The following DIAPH3 variants were observed in gnomAD, a reference collection of about 807,000 sequenced individuals.
DIAPH3 encodes protein diaphanous homolog 3.
Under a neutral mutation model 144.3 loss-of-function variants are expected in DIAPH3, and 117 were observed. The ratio of observed to expected loss-of-function variants is 0.81; its 90% CI spans 0.70 to 0.95. DIAPH3 has a LOEUF of 0.95. Ranked by LOEUF, DIAPH3 falls within the 40% of genes least tolerant of loss-of-function variation. The pLI, the probability that DIAPH3 is intolerant of heterozygous loss-of-function variation, is 0.00. For missense variants in DIAPH3, 1,421 were observed against 1,412.7 expected, an observed-to-expected ratio of 1.01 and a Z score of -0.09; for synonymous variants, 519 against 488.9, an observed-to-expected ratio of 1.06 and a Z score of -0.81.
At chr13:59,685,608 G>A (rs1225431431) in intron 27 of DIAPH3, among the ~76,000 whole-genome samples, 1 of 152,112 alleles carries the variant, frequency 6.6e-6, no homozygotes, top group Non-Finnish European at 1.5e-5. Context: ...GAACCAGAAT[G>A]AAAACCTGTA....
intron 20 of DIAPH3, among the ~76,000 whole-genome samples, chr13:59,882,487 A>G (rs574335846): frequency 6.6e-6 from 1 of 152,304 alleles, no homozygotes; most frequent in African/African-American, 2.4e-5. Flanking sequence ...AAAAAGCCCG[A>G]CCAATGTTTC....
chr13:59,811,619 C>A (rs375643450), intron 24 of DIAPH3, among the ~76,000 whole-genome samples: 96 of 151,510 alleles, frequency 6.3e-4, no homozygotes, highest in African/African-American at 2.0e-3. Context: ...TGCCTGTAAT[C>A]CCAGCTACTA....
intron 27 of DIAPH3, among the ~76,000 whole-genome samples, chr13:59,759,630 C>T (rs2037468956): frequency 6.6e-6 from 1 of 152,094 alleles, no homozygotes; most frequent in South Asian, 2.1e-4. Context: ...CGGTGTTCAG[C>T]TTCCAGTAAG....
intron 24 of DIAPH3, among the ~76,000 whole-genome samples, chr13:59,813,854 G>A: frequency 7.5e-6 from 1 of 133,266 alleles, no homozygotes; most frequent in African/African-American, 2.9e-5. Flanking sequence ...GCAAGACTTT[G>A]TCTCAAAAAA....
chr13:60,112,100 A>C lies in DIAPH3; in HGVS notation c.300T>G (p.Ser100Arg). 1 of 1,614,116 alleles carries C rather than the reference A, an allele frequency of 6.2e-7. No homozygotes were observed. The highest frequency in any genetic ancestry group is 8.5e-7 in the Non-Finnish European group (1 of 1,179,970). The change falls in exon 3 of 28, where the codon AGT becomes AGG. Residue 100 changes from serine (S) to arginine (R), a missense_variant. Coordinates refer to ENST00000400324, the MANE Select transcript of DIAPH3 (RefSeq NM_001042517.2). ...LPNLKTAFAS[S>R]DCSAAPLEMM... ...TCTCTAAAGGTGCTGCTGAGCAATC[A>C]CTGCTTGCAAATGCAGTCTTCAGGT...
chr13:59,947,048 T>C (rs1202094152), intron 17 of DIAPH3, among the ~76,000 whole-genome samples: 1 of 152,204 alleles, frequency 6.6e-6, no homozygotes, highest in Non-Finnish European at 1.5e-5. Flanking sequence ...AGTCTGAACA[T>C]TCATAGGAAA....
intron 24 of DIAPH3, among the ~76,000 whole-genome samples, chr13:59,822,168 TAA>T (rs950066771): frequency 9.2e-5 from 14 of 152,170 alleles, no homozygotes; most frequent in Non-Finnish European, 1.9e-4. Context: ...ATGTTTGTAA[TAA>T]AGTTTTTCCC....
chr13:59,935,320 C>A (rs562785883), intron 17 of DIAPH3, among the ~76,000 whole-genome samples: 1 of 152,140 alleles, frequency 6.6e-6, no homozygotes, highest in Non-Finnish European at 1.5e-5. Context: ...GTCAAGAATG[C>A]GCCTATCACT....
chr13:59,716,554 G>A (rs997265559), intron 27 of DIAPH3, among the ~76,000 whole-genome samples: 7 of 152,184 alleles, frequency 4.6e-5, no homozygotes, highest in Non-Finnish European at 7.3e-5. Context: ...ATGGAGACAT[G>A]CTCTGTGCCA....
intron 1 of DIAPH3, among the ~76,000 whole-genome samples, chr13:60,151,985 T>C (rs1951808770): frequency 6.6e-6 from 1 of 152,334 alleles, no homozygotes; most frequent in African/African-American, 2.4e-5. Context: ...AGTTTAATTC[T>C]ATAGTAAAGT....
intron 4 of DIAPH3, among the ~76,000 whole-genome samples, chr13:60,081,404 C>T (rs2057554886): frequency 6.6e-6 from 1 of 151,928 alleles, no homozygotes; most frequent in African/African-American, 2.4e-5. Flanking sequence ...ATTTTCTACC[C>T]TAATAGTTAG....
chr13:59,816,684 T>C (rs979635086), intron 24 of DIAPH3, among the ~76,000 whole-genome samples: 3 of 151,876 alleles, frequency 2.0e-5, no homozygotes, highest in Admixed American at 6.6e-5. Flanking sequence ...TGAAGTCAGA[T>C]GTTTTTAAGT....
At chr13:59,778,450 A>G (rs2139308978) in intron 25 of DIAPH3, among the ~76,000 whole-genome samples, 1 of 152,348 alleles carries the variant, frequency 6.6e-6, no homozygotes, top group African/African-American at 2.4e-5. Flanking sequence ...AGCTAAATAT[A>G]TGTTGACTAA....
At chr13:59,805,434 G>T (rs767270969) in intron 25 of DIAPH3, among the ~76,000 whole-genome samples, 2 of 151,992 alleles carry the variant, frequency 1.3e-5, no homozygotes, top group African/African-American at 4.8e-5. Context: ...CTTAAGAAGA[G>T]TTATGCATTT....
At chr13:60,151,173 A>T (rs902276130) in intron 1 of DIAPH3, among the ~76,000 whole-genome samples, 1 of 152,188 alleles carries the variant, frequency 6.6e-6, no homozygotes, top group Admixed American at 6.5e-5. Flanking sequence ...TGAGAACTTA[A>T]CACTATAGTG....
chr13:60,129,516 T>C (rs921056673), intron 2 of DIAPH3, among the ~76,000 whole-genome samples: 2 of 152,186 alleles, frequency 1.3e-5, no homozygotes, highest in Non-Finnish European at 2.9e-5. Flanking sequence ...ATGAAGTACT[T>C]TTGCAGACCT....
At chr13:59,823,148 C>T (rs1258399542) in intron 24 of DIAPH3, among the ~76,000 whole-genome samples, 1 of 152,060 alleles carries the variant, frequency 6.6e-6, no homozygotes, top group Non-Finnish European at 1.5e-5. Context: ...TCATACAGAA[C>T]CTGGCAGTCA....
chr13:60,055,110 T>G (rs1045766352), intron 4 of DIAPH3, among the ~76,000 whole-genome samples: 17 of 151,948 alleles, frequency 1.1e-4, no homozygotes, highest in African/African-American at 3.4e-4. Flanking sequence ...TTAGAGTACA[T>G]TAAAAAGCTT....
chr13:59,686,215 G>C (rs911716459), intron 27 of DIAPH3, among the ~76,000 whole-genome samples: 8 of 151,812 alleles, frequency 5.3e-5, no homozygotes, highest in African/African-American at 1.9e-4. Flanking sequence ...GTGGCACTCA[G>C]TCATTCATCT....
Sources: allele counts gnomAD v4.1 joint callset (sites outside exome capture counted in the v4.1 genomes callset), GRCh38; gene constraint gnomAD v4.1.1; transcripts MANE v1.5; gene names NCBI Gene and HGNC (gene_info 2026-07-23, HGNC 2026-07-21).